CTNNA2: variants seen among roughly 807,000 people sequenced by gnomAD.
The protein encoded by CTNNA2 is catenin alpha-2.
CTNNA2 carries 42 observed loss-of-function variants against 101.0 expected under a neutral mutation model. That is an observed-to-expected ratio of 0.42 (90% CI 0.32 to 0.54). The LOEUF (loss-of-function observed/expected upper bound fraction) is 0.54, where lower values mean the gene tolerates loss of function less well. Ranked by LOEUF, CTNNA2 falls within the 20% of genes least tolerant of loss-of-function variation. CTNNA2 has a pLI of 0.14. For synonymous variants in CTNNA2, 450 were observed against 456.4 expected (o/e 0.99, Z 0.18); for missense variants, 871 against 1,223.1 (o/e 0.71, Z 4.29).
intron 6 of CTNNA2, among the ~76,000 whole-genome samples, chr2:79,888,663 A>G (rs955035884): frequency 6.6e-6 from 1 of 152,166 alleles, no homozygotes; most frequent in Non-Finnish European, 1.5e-5. Flanking sequence ...CAAAATTATT[A>G]TATTTCCAAT....
At chr2:80,029,619 G>C (rs1695157835) in intron 7 of CTNNA2, 2 of 151,086 alleles carry the variant, frequency 1.3e-5, no homozygotes, top group Admixed American at 6.6e-5. Context: ...GATAGGAAGA[G>C]AGAACTTAGG....
At chr2:79,409,830 C>G (rs1362099145) in intron 4 of CTNNA2, among the ~76,000 whole-genome samples, 3 of 150,656 alleles carry the variant, frequency 2.0e-5, no homozygotes, top group Admixed American at 6.6e-5. Context: ...TTTTCCAATT[C>G]TGTGAAGAAA....
At chr2:79,678,296 C>T (rs1253673589) in intron 2 of CTNNA2, among the ~76,000 whole-genome samples, 1 of 152,096 alleles carries the variant, frequency 6.6e-6, no homozygotes, top group African/African-American at 2.4e-5. Context: ...AATCCTAGCA[C>T]TTTGGGAGCC....
intron 7 of CTNNA2, among the ~76,000 whole-genome samples, chr2:80,341,500 A>G (rs141579189): frequency 4.9e-4 from 75 of 152,350 alleles, no homozygotes; most frequent in African/African-American, 1.7e-3. Context: ...TAATAAGCAC[A>G]TGAAAATATC....
intron 4 of CTNNA2, among the ~76,000 whole-genome samples, chr2:79,436,722 C>T (rs1427543677): frequency 6.6e-6 from 1 of 151,990 alleles, no homozygotes; most frequent in African/African-American, 2.4e-5. Context: ...AGCTTCCCCT[C>T]CTGGGTTCAC....
At chr2:79,802,213 T>A (rs190401884) in intron 3 of CTNNA2, among the ~76,000 whole-genome samples, 10 of 152,238 alleles carry the variant, frequency 6.6e-5, no homozygotes, top group Middle Eastern at 6.8e-3. Context: ...CATTCATTAT[T>A]CTTGTATCAC....
intron 7 of CTNNA2, among the ~76,000 whole-genome samples, chr2:80,083,887 A>G (rs1027142284): frequency 1.9e-4 from 29 of 152,150 alleles, no homozygotes; most frequent in African/African-American, 5.8e-4. Flanking sequence ...AGGGATGCTA[A>G]CAGTAGGTTG....
chr2:80,509,212 T>C (rs2149548362), intron 9 of CTNNA2, among the ~76,000 whole-genome samples: 1 of 152,336 alleles, frequency 6.6e-6, no homozygotes, highest in East Asian at 1.9e-4. Context: ...TTCTTTATTT[T>C]CTTCATTCTA....
intron 7 of CTNNA2, among the ~76,000 whole-genome samples, chr2:80,170,245 GTGTT>G (rs1356958808): frequency 6.6e-6 from 1 of 151,696 alleles, no homozygotes; most frequent in Non-Finnish European, 1.5e-5. Context: ...GTGTGTGTGT[GTGTT>G]TGTGTGTGTG....
chr2:80,108,468 G>C (rs982022210), intron 7 of CTNNA2, among the ~76,000 whole-genome samples: 1 of 152,142 alleles, frequency 6.6e-6, no homozygotes, highest in Non-Finnish European at 1.5e-5. Context: ...TGCCACCCCT[G>C]TCTCCCATGC....
intron 3 of CTNNA2, among the ~76,000 whole-genome samples, chr2:79,745,764 A>T (rs1238988054): frequency 6.6e-6 from 1 of 152,146 alleles, no homozygotes. Flanking sequence ...TCAGAATTCC[A>T]TCGTATGTAT....
intron 8 of CTNNA2, among the ~76,000 whole-genome samples, chr2:80,403,784 T>A (rs1000509383): frequency 6.6e-6 from 1 of 152,228 alleles, no homozygotes; most frequent in Non-Finnish European, 1.5e-5. Context: ...GTATGTTCCA[T>A]CAATACCTAG....
intron 7 of CTNNA2, among the ~76,000 whole-genome samples, chr2:80,361,366 C>G (rs1025563802): frequency 6.6e-5 from 10 of 152,044 alleles, no homozygotes; most frequent in African/African-American, 2.4e-4. Context: ...AGTTTTTTTA[C>G]TCAGCGTGGG....
intron 9 of CTNNA2, among the ~76,000 whole-genome samples, chr2:80,436,486 G>T (rs1447993321): frequency 6.6e-6 from 1 of 152,052 alleles, no homozygotes; most frequent in Non-Finnish European, 1.5e-5. Flanking sequence ...GGGAAGCATG[G>T]GTTCAAATAC....
At chr2:80,564,605 T>C (rs1394279619) in intron 12 of CTNNA2, among the ~76,000 whole-genome samples, 2 of 151,924 alleles carry the variant, frequency 1.3e-5, no homozygotes, top group East Asian at 3.9e-4. Context: ...CTTCTGGAAC[T>C]TAAATTTGAT....
chr2:79,635,692 CG>C (rs1253652141), intron 1 of CTNNA2, among the ~76,000 whole-genome samples: 4 of 150,640 alleles, frequency 2.7e-5, no homozygotes, highest in African/African-American at 7.3e-5. Context: ...TTAGTAGAGA[CG>C]GGGTTTCAAC....
intron 3 of CTNNA2, among the ~76,000 whole-genome samples, chr2:79,314,029 C>T (rs1385194594): frequency 6.6e-6 from 1 of 152,116 alleles, no homozygotes; most frequent in African/African-American, 2.4e-5. Flanking sequence ...AGGGATGGGG[C>T]ATCCTTCTGT....
At chr2:80,327,531 CAA>C (rs35453202) in intron 7 of CTNNA2, among the ~76,000 whole-genome samples, 3 of 147,958 alleles carry the variant, frequency 2.0e-5, no homozygotes, top group East Asian at 2.0e-4. Context: ...TTATTTAAGA[CAA>C]AAAAAAAAGC....
At chr2:79,687,684 A>G (rs1684028166) in intron 2 of CTNNA2, 1 of 550,232 alleles carries the variant, frequency 1.8e-6, no homozygotes, top group African/African-American at 2.0e-5. Flanking sequence ...ATAACTTAAA[A>G]AACTGGATGA....
Sources: allele counts gnomAD v4.1 joint callset (sites outside exome capture counted in the v4.1 genomes callset), GRCh38; gene constraint gnomAD v4.1.1; transcripts MANE v1.5; gene names NCBI Gene and HGNC (gene_info 2026-07-23, HGNC 2026-07-21).